TENM3: variants seen among roughly 807,000 people sequenced by gnomAD.
TENM3 encodes teneurin-3.
TENM3 carries 63 observed loss-of-function variants against 255.1 expected under a neutral mutation model. The ratio of observed to expected loss-of-function variants is 0.25; its 90% confidence interval spans 0.20 to 0.30. TENM3 has a LOEUF of 0.30. Among genes scored for constraint, TENM3 ranks in the 10% least tolerant of loss-of-function variants. The probability of loss-of-function intolerance (pLI) is 1.00; values close to 1 mark genes in which losing one functional copy is unlikely to be tolerated. For missense variants in TENM3, 2,929 were observed against 3,461.1 expected (o/e 0.85, Z 3.86); for synonymous variants, 1,306 against 1,322.3 (o/e 0.99, Z 0.27).
Position 182,339,910 on chromosome 4 carries a change from T to TAAA in TENM3, c.233-6733_233-6731dup, listed in dbSNP as rs5864779. On this transcript the variant is annotated intron_variant, in intron 2 of 27. Transcript: ENST00000511685. ...ATTTATTTTCAGAATGTTTTTGATT[T>TAAA]AAAAAAAAAAGCTATTTTAAAGTTA... Among the ~76,000 whole-genome samples, 16 of 150,622 alleles carry TAAA rather than the reference T, an allele frequency of 1.1e-4. No homozygotes were observed. The East Asian group carries it at 3.1e-3, about 29-fold the overall frequency.
At chr4:182,715,136 G>A (rs1329305583) in intron 13 of TENM3, among the ~76,000 whole-genome samples, 2 of 152,180 alleles carry the variant, frequency 1.3e-5, no homozygotes, top group African/African-American at 2.4e-5. Context: ...CGCCCACCTC[G>A]GCCTCCAAAG....
chr4:182,227,142 G>C (rs2149993190), intron 1 of TENM3, among the ~76,000 whole-genome samples: 1 of 152,220 alleles, frequency 6.6e-6, no homozygotes, highest in East Asian at 1.9e-4. Context: ...TGGAATCAAG[G>C]CACAATGGCT....
At chr4:182,335,494 C>CAGAAAAAAAAAAAAAA (rs1554051180) in intron 2 of TENM3, among the ~76,000 whole-genome samples, 1 of 52,400 alleles carries the variant, frequency 1.9e-5, no homozygotes, top group African/African-American at 6.9e-5. Flanking sequence ...GACTCCGCCT[C>CAGAAAAAAAAAAAAAA]AAAAAAAAAA....
the TENM3 span, among the ~76,000 whole-genome samples, chr4:182,101,096 G>A: frequency 1.9e-3 from 50 of 26,818 alleles, 2 homozygotes; most frequent in Non-Finnish European, 3.3e-3. Context: ...GGGAGGGAGG[G>A]AGGGAGGGAG....
chr4:182,055,084 T>C, the TENM3 span, among the ~76,000 whole-genome samples: 1 of 152,162 alleles, frequency 6.6e-6, no homozygotes, highest in Non-Finnish European at 1.5e-5. Context: ...CAGTGGCTCA[T>C]GCCTTTAATC....
intron 1 of TENM3, among the ~76,000 whole-genome samples, chr4:182,229,782 A>G (rs543488641): frequency 3.3e-5 from 5 of 152,324 alleles, no homozygotes; most frequent in Non-Finnish European, 7.4e-5. Context: ...CTCTTGTGAT[A>G]ACATAAATCA....
At chr4:182,287,619 A>ATT (rs1236261085) in intron 1 of TENM3, among the ~76,000 whole-genome samples, 7 of 151,422 alleles carry the variant, frequency 4.6e-5, no homozygotes, top group African/African-American at 1.7e-4. Context: ...TTGTTTATTT[A>ATT]TTTATTTTTT....
chr4:182,733,831 C>G (rs1169008449), intron 16 of TENM3, among the ~76,000 whole-genome samples: 1 of 152,192 alleles, frequency 6.6e-6, no homozygotes, highest in African/African-American at 2.4e-5. Flanking sequence ...TGCAGGAACT[C>G]TAAACTTCGT....
intron 3 of TENM3, among the ~76,000 whole-genome samples, chr4:182,348,421 A>G (rs1441317481): frequency 1.3e-5 from 2 of 152,158 alleles, no homozygotes; most frequent in Non-Finnish European, 2.9e-5. Context: ...TGTACTTCAC[A>G]TAGCACTCCT....
the TENM3 span, among the ~76,000 whole-genome samples, chr4:182,051,284 A>G: frequency 1.3e-5 from 2 of 151,088 alleles, no homozygotes; most frequent in African/African-American, 2.4e-5. Flanking sequence ...TGGAGGTTGC[A>G]GTGAGCTGAG....
the TENM3 span, among the ~76,000 whole-genome samples, chr4:181,801,687 T>TATATAC: frequency 8.7e-6 from 1 of 114,538 alleles, no homozygotes; most frequent in Non-Finnish European, 1.8e-5. Context: ...TATATATATA[T>TATATAC]ATATATATAT....
At chr4:182,788,120 A>G (rs1376781912) in intron 24 of TENM3, among the ~76,000 whole-genome samples, 1 of 152,208 alleles carries the variant, frequency 6.6e-6, no homozygotes, top group Non-Finnish European at 1.5e-5. Flanking sequence ...ATGGTTATGT[A>G]AAATTAAGAT....
chr4:181,926,477 CA>C, the TENM3 span, among the ~76,000 whole-genome samples: 1 of 152,054 alleles, frequency 6.6e-6, no homozygotes, highest in Non-Finnish European at 1.5e-5. Context: ...CAGAATAGAT[CA>C]TTGAAGAAAA....
intron 1 of TENM3, among the ~76,000 whole-genome samples, chr4:182,292,467 A>G (rs1761189826): frequency 6.6e-6 from 1 of 152,038 alleles, no homozygotes; most frequent in Non-Finnish European, 1.5e-5. Flanking sequence ...TTCTTGTTCT[A>G]TTTTTCCAGT....
At chr4:182,248,186 A>G (rs1757775712) in intron 1 of TENM3, among the ~76,000 whole-genome samples, 1 of 152,212 alleles carries the variant, frequency 6.6e-6, no homozygotes, top group African/African-American at 2.4e-5. Flanking sequence ...GGTGCAGCAA[A>G]CCACCACGGC....
the TENM3 span, among the ~76,000 whole-genome samples, chr4:181,496,885 C>T: frequency 2.0e-5 from 3 of 152,126 alleles, no homozygotes; most frequent in African/African-American, 4.8e-5. Context: ...GGTCTAGCAA[C>T]CTTGTGGGCA....
intron 1 of TENM3, among the ~76,000 whole-genome samples, chr4:182,146,879 G>A (rs1321187486): frequency 6.6e-6 from 1 of 152,162 alleles, no homozygotes; most frequent in African/African-American, 2.4e-5. Flanking sequence ...TTGCATGGCT[G>A]TGTTTATTTT....
At chr4:182,741,658 C>G (rs1650304832) in intron 18 of TENM3, among the ~76,000 whole-genome samples, 1 of 152,188 alleles carries the variant, frequency 6.6e-6, no homozygotes, top group South Asian at 2.1e-4. Context: ...TCTTAGATAT[C>G]ACTAATGCAT....
In TENM3 at chr4:182,600,906, T is replaced by C. The variant is rs1246485958; in HGVS notation, c.512-18T>C. The C allele has an allele frequency of 1.7e-5, 20 of 1,197,856 alleles. No homozygotes were observed. Among genetic ancestry groups the C allele is most frequent in the Admixed American group, 8.3e-5 (3 of 35,944 alleles). 74.2% of individuals were successfully genotyped at this position (1,197,856 alleles called of 1,614,324 possible). A position where few individuals can be genotyped will look rare whatever the true frequency, so the allele number is the denominator to read the frequency against. On this transcript the variant is annotated intron_variant, in intron 3 of 27. Transcript: ENST00000511685. ...ATAATGAGTTCTCTTTCTTTTTTTTTTTTTTTTTTTTTTTCAGAGCAACCT... is the reference window on the plus strand; with the variant it reads ...ATAATGAGTTCTCTTTCTTTTTTTTCTTTTTTTTTTTTTTCAGAGCAACCT...
Sources: gnomAD v4.1 joint callset for allele counts (sites outside exome capture counted in the v4.1 genomes callset) on GRCh38, gnomAD v4.1.1 for gene constraint, MANE v1.5 for transcripts, NCBI Gene and HGNC (gene_info 2026-07-23, HGNC 2026-07-21) for gene names.